Variants in ARHGAP25 observed in about 807,000 individuals in gnomAD.
The protein encoded by ARHGAP25 is rho GTPase-activating protein 25.
Under a neutral mutation model 71.0 loss-of-function variants are expected in ARHGAP25, and 34 were observed. That is an observed-to-expected ratio of 0.48 (90% CI 0.36 to 0.64). The LOEUF is 0.64. Ranked by LOEUF, ARHGAP25 falls within the 30% of genes least tolerant of loss-of-function variation. ARHGAP25 has a pLI of 0.00. For missense variants in ARHGAP25, 706 were observed against 805.1 expected (o/e 0.88, Z 1.49); for synonymous variants, 282 against 296.5 (o/e 0.95, Z 0.50).
chr2:68,770,235 A>G (rs1319240043), intron 1 of ARHGAP25, among the ~76,000 whole-genome samples: 4 of 152,174 alleles, frequency 2.6e-5, no homozygotes, highest in Admixed American at 2.6e-4. Flanking sequence ...TGAGCTTGAC[A>G]TTCTCATGGA....
At chr2:68,721,352 T>C (rs1412853700) in intron 2 of ARHGAP25, among the ~76,000 whole-genome samples, 2 of 152,238 alleles carry the variant, frequency 1.3e-5, no homozygotes, top group African/African-American at 4.8e-5. Flanking sequence ...GGATAAAGTA[T>C]GGATTTCTGA....
chr2:68,755,336 C>G (rs981385157), intron 1 of ARHGAP25, among the ~76,000 whole-genome samples: 3 of 152,156 alleles, frequency 2.0e-5, no homozygotes, highest in Admixed American at 2.0e-4. Flanking sequence ...ATAAAAGCCA[C>G]ATTTTCCAAA....
At chr2:68,712,355 C>T (rs1054581050) in intron 2 of ARHGAP25, among the ~76,000 whole-genome samples, 10 of 151,254 alleles carry the variant, frequency 6.6e-5, no homozygotes, top group African/African-American at 1.5e-4. Flanking sequence ...CACTTTTTGA[C>T]GGGTTTCTTT....
In ARHGAP25 at chr2:68,826,689, A is replaced by G. The variant is rs1274433448; in HGVS notation, c.*495A>G. On this transcript the variant is annotated 3_prime_UTR_variant, in exon 11 of 11. Coordinates refer to ENST00000409202, the MANE Select transcript of ARHGAP25 (RefSeq NM_001007231.3). ...CTGCATCTGCTGAAGCGAGAACCCC[A>G]TTCTGCCACCCCACCAGGATGCCCA... is the stretch of plus-strand genomic sequence containing the variant. 1 of 197,654 alleles carries G rather than the reference A, an allele frequency of 5.1e-6. No individual in the cohort carries two copies. Among genetic ancestry groups the G allele is most frequent in the East Asian group, 1.3e-4 (1 of 7,544 alleles). The allele number at this position is 197,654 out of a possible 1,614,324, so 12.2% of individuals were successfully genotyped here.
At chr2:68,726,597 AT>A (rs1468632169) in intron 2 of ARHGAP25, among the ~76,000 whole-genome samples, 2 of 152,204 alleles carry the variant, frequency 1.3e-5, no homozygotes, top group Non-Finnish European at 2.9e-5. Context: ...CCAGATATAA[AT>A]TTTTTGGCTA....
intron 4 of ARHGAP25, among the ~76,000 whole-genome samples, chr2:68,790,935 T>C (rs957469412): frequency 1.3e-5 from 2 of 152,160 alleles, no homozygotes; most frequent in African/African-American, 2.4e-5. Flanking sequence ...TCTGACCTTC[T>C]CCCGTGCTCA....
chr2:68,726,810 A>G (rs1483957844), intron 2 of ARHGAP25, among the ~76,000 whole-genome samples: 1 of 152,128 alleles, frequency 6.6e-6, no homozygotes, highest in Non-Finnish European at 1.5e-5. Context: ...CACCCCATCC[A>G]CTGGGCTCAC....
chr2:68,746,923 GC>G (rs1558611153), intron 1 of ARHGAP25, among the ~76,000 whole-genome samples: 1 of 150,230 alleles, frequency 6.7e-6, no homozygotes, highest in Admixed American at 6.7e-5. Flanking sequence ...CAGGAGAATC[GC>G]TTGAACCCGG....
intron 2 of ARHGAP25, among the ~76,000 whole-genome samples, chr2:68,776,311 AC>A (rs1402548722): frequency 3.9e-5 from 6 of 152,108 alleles, no homozygotes; most frequent in African/African-American, 1.4e-4. Context: ...GAGCATTCAC[AC>A]TGAGGGCCAC....
rs78073054 is a variant in ARHGAP25 at position 68,721,187 on chromosome 2, A to G, written c.-18+10489A>G. ...AATTTTCTGAACAAAGCTTTTTTGC[A>G]TAAGAGATAAAGGTTGGTGACGCCT... On this transcript the variant is annotated intron_variant and NMD_transcript_variant, in intron 2 of 7. Transcript: ENST00000463483. 6.4e-4 allele frequency among the ~76,000 whole-genome samples: 97 copies of G among 152,314 alleles called. No individual in the cohort carries two copies. In the East Asian group the frequency reaches 0.012, roughly 18 times the overall value.
At chr2:68,742,774 A>C (rs1675588459) in intron 1 of ARHGAP25, among the ~76,000 whole-genome samples, 1 of 152,180 alleles carries the variant, frequency 6.6e-6, no homozygotes, top group Non-Finnish European at 1.5e-5. Context: ...TCTTTACAAC[A>C]TCTGCAGATA....
chr2:68,723,139 A>C (rs1179631209), intron 2 of ARHGAP25, among the ~76,000 whole-genome samples: 1 of 152,202 alleles, frequency 6.6e-6, no homozygotes, highest in Non-Finnish European at 1.5e-5. Flanking sequence ...GGGTGTGGTC[A>C]TGGGAGGCAG....
rs1678871022 is a variant in ARHGAP25, at chr2:68,787,922, A to G, written c.432A>G (p.Lys144=). ...SSQAEMEEWV[K]FLRRVAGTPC... ...AGGCGGAGATGGAGGAGTGGGTTAA[A>G]TTCCTCAGGAGAGTTGCTGGCACAC... The change falls in exon 4 of 11, where the codon AAA becomes AAG. Residue 144 remains lysine (K), a synonymous_variant. Transcript: ENST00000409202. 6.2e-7 allele frequency: 1 copy of G among 1,614,074 alleles called. No homozygotes were observed. The highest frequency in any genetic ancestry group is 8.5e-7 in the Non-Finnish European group (1 of 1,180,030).
At chr2:68,811,780 T>C (rs1303011220) in intron 5 of ARHGAP25, among the ~76,000 whole-genome samples, 1 of 152,182 alleles carries the variant, frequency 6.6e-6, no homozygotes, top group Non-Finnish European at 1.5e-5. Flanking sequence ...TCCCTTCTCC[T>C]CCTCTTGTCC....
chr2:68,774,792 G>C (rs1354914612), intron 1 of ARHGAP25: 7 of 1,069,714 alleles, frequency 6.5e-6, no homozygotes, highest in Non-Finnish European at 8.0e-6. Flanking sequence ...CAGCTGCGTG[G>C]GACTCACCCC....
intron 6 of ARHGAP25, 126 bp from the exon 7 acceptor site, chr2:68,816,163 A>G (rs957178480): frequency 2.5e-5 from 20 of 808,264 alleles, no homozygotes; most frequent in Admixed American, 2.2e-4. Context: ...GAACTACAGG[A>G]ACAGGAATGA....
intron 1 of ARHGAP25, among the ~76,000 whole-genome samples, chr2:68,759,413 C>T (rs59043215): frequency 6.6e-6 from 1 of 151,346 alleles, no homozygotes; most frequent in East Asian, 1.9e-4. Flanking sequence ...ACCACCTATT[C>T]TACAGAAATA....
chr2:68,725,728 A>C lies in ARHGAP25; in HGVS notation c.-18+15030A>C, dbSNP rs115508267. ...AGCAAAGTCCTATGAAGCCCCATAC[A>C]ATTCGTCCCCTATTACCTTGTTGAC... On this transcript the variant is annotated intron_variant and NMD_transcript_variant, in intron 2 of 7. Transcript: ENST00000463483. Among the ~76,000 whole-genome samples, 1,030 of 152,208 alleles carry C rather than the reference A, an allele frequency of 6.8e-3. 13 individuals are homozygous for C. Among genetic ancestry groups the C allele is most frequent in the African/African-American group, 0.024 (986 of 41,530 alleles).
intron 6 of ARHGAP25, 166 bp from the exon 7 acceptor site, chr2:68,816,123 G>A (rs543973458): frequency 1.5e-6 from 1 of 654,104 alleles, no homozygotes; most frequent in East Asian, 3.0e-5. Context: ...TGAGAATTGA[G>A]TTATTTCCCT....
Sources: allele counts gnomAD v4.1 joint callset (sites outside exome capture counted in the v4.1 genomes callset), GRCh38; gene constraint gnomAD v4.1.1; transcripts MANE v1.5; gene names NCBI Gene and HGNC (gene_info 2026-07-23, HGNC 2026-07-21).